ELP4: variants seen among roughly 807,000 people sequenced by gnomAD.
ELP4 encodes elongator complex protein 4.
Under a neutral mutation model 48.9 loss-of-function variants are expected in ELP4, and 51 were observed. The observed-to-expected ratio is 1.04, with a 90% CI of 0.83 to 1.32. The LOEUF (loss-of-function observed/expected upper bound fraction) is 1.32. Ranked by LOEUF, ELP4 falls within the 40% of genes most tolerant of loss-of-function variation. The probability of loss-of-function intolerance (pLI) is 0.00; values close to 1 mark genes in which losing one functional copy is unlikely to be tolerated. For synonymous variants in ELP4, 210 were observed against 189.2 expected (o/e 1.11, Z -0.90); for missense variants, 519 against 514.6 (o/e 1.01, Z -0.08).
intron 9 of ELP4, among the ~76,000 whole-genome samples, chr11:31,728,544 G>A (rs1235926747): frequency 6.6e-6 from 1 of 152,056 alleles, no homozygotes; most frequent in Non-Finnish European, 1.5e-5. Flanking sequence ...GAGTTCTTAG[G>A]CTTTCCTGCC....
At chr11:31,699,681 G>A (rs1409257679) in intron 9 of ELP4, among the ~76,000 whole-genome samples, 1 of 152,120 alleles carries the variant, frequency 6.6e-6, no homozygotes, top group Non-Finnish European at 1.5e-5. Context: ...TGCACTACTA[G>A]TTAGTTACTA....
intron 9 of ELP4, among the ~76,000 whole-genome samples, chr11:31,764,315 A>T (rs1284306509): frequency 6.6e-6 from 1 of 152,194 alleles, no homozygotes; most frequent in Admixed American, 6.5e-5. Flanking sequence ...GTCTCTGCCG[A>T]CCAGTATAAT....
At chr11:31,600,478 C>A (rs1565074169) in intron 4 of ELP4, 1 of 152,094 alleles carries the variant, frequency 6.6e-6, no homozygotes, top group Non-Finnish European at 1.5e-5. Context: ...TGCAGCAGCC[C>A]TGTGGTAGAT....
intron 5 of ELP4, among the ~76,000 whole-genome samples, chr11:31,609,820 G>T (rs11031430): frequency 6.6e-6 from 1 of 152,052 alleles, no homozygotes; most frequent in African/African-American, 2.4e-5. Context: ...TCAATCACTT[G>T]AGCCCAGGAT....
chr11:31,727,488 A>G (rs915888409), intron 9 of ELP4, among the ~76,000 whole-genome samples: 1 of 152,136 alleles, frequency 6.6e-6, no homozygotes, highest in Non-Finnish European at 1.5e-5. Flanking sequence ...CTTTGTTTGT[A>G]AATTATTTCA....
rs1256022705 is a variant in ELP4 at position 31,789,966 on chromosome 11, C to G, written c.*6442C>G. ...AATCTTGGCCAGTATTGAGACATAT[C>G]AGGTTCACTTCCGGGAACTTGAACT... On this transcript the variant is annotated 3_prime_UTR_variant, in exon 10 of 10. Coordinates refer to ENST00000640961, the MANE Select transcript of ELP4 (RefSeq NM_019040.5). The G allele has an allele frequency of 1.3e-6, 2 of 1,486,374 alleles. No individual in the cohort carries two copies. Among genetic ancestry groups the G allele is most frequent in the Non-Finnish European group, 1.8e-6 (2 of 1,090,076 alleles). The allele number at this position is 1,486,374 out of a possible 1,614,324, so 92.1% of individuals were successfully genotyped here. A position where few individuals can be genotyped will look rare whatever the true frequency, so the allele number is the denominator to read the frequency against.
intron 7 of ELP4, among the ~76,000 whole-genome samples, chr11:31,639,672 A>G (rs188764488): frequency 1.3e-5 from 2 of 152,082 alleles, no homozygotes; most frequent in Non-Finnish European, 2.9e-5. Flanking sequence ...AAATATGCAT[A>G]TTGAATAAGA....
intron 3 of ELP4, among the ~76,000 whole-genome samples, chr11:31,560,234 T>C (rs1956995604): frequency 6.6e-6 from 1 of 152,150 alleles, no homozygotes; most frequent in Non-Finnish European, 1.5e-5. Flanking sequence ...TTTGAAGCTT[T>C]AGACTACTTC....
chr11:31,590,908 A>T (rs1282529426), intron 3 of ELP4, among the ~76,000 whole-genome samples: 1 of 152,162 alleles, frequency 6.6e-6, no homozygotes, highest in Non-Finnish European at 1.5e-5. Context: ...AACAATGGGG[A>T]TTACACTTCA....
intron 9 of ELP4, among the ~76,000 whole-genome samples, chr11:31,681,301 C>T (rs139736836): frequency 6.6e-6 from 1 of 152,292 alleles, no homozygotes; most frequent in African/African-American, 2.4e-5. Flanking sequence ...GCAGCAAAAA[C>T]AGGGTTTGAT....
At chr11:31,645,354 A>T (rs1464795610) in intron 7 of ELP4, among the ~76,000 whole-genome samples, 1 of 151,760 alleles carries the variant, frequency 6.6e-6, no homozygotes, top group East Asian at 1.9e-4. Context: ...GTTGATAAAC[A>T]TTATAGGATG....
chr11:31,606,195 C>T (rs1402951458), intron 5 of ELP4, among the ~76,000 whole-genome samples: 1 of 152,016 alleles, frequency 6.6e-6, no homozygotes, highest in Non-Finnish European at 1.5e-5. Flanking sequence ...AACTTAAATG[C>T]TTAATTAAAT....
At chr11:31,630,363 C>T (rs1944836736) in intron 6 of ELP4, among the ~76,000 whole-genome samples, 1 of 149,096 alleles carries the variant, frequency 6.7e-6, no homozygotes, top group Admixed American at 6.8e-5. Flanking sequence ...GAGTCTCACT[C>T]TGTCACCCAG....
chr11:31,777,860 G>C (rs1948281471), intron 9 of ELP4, among the ~76,000 whole-genome samples: 1 of 152,188 alleles, frequency 6.6e-6, no homozygotes, highest in South Asian at 2.1e-4. Flanking sequence ...TTTTGGAAGA[G>C]GGTAGGAGTG....
At position 31,533,368 on chromosome 11, in the gene ELP4, C is replaced by CTTTTTTTTTTTTTTTTTTTTTTT. The variant is rs71060492; in HGVS notation, c.260-6289_260-6267dup. On this transcript the variant is annotated intron_variant, in intron 2 of 9. Transcript: ENST00000640961. The stretch of plus-strand genomic sequence containing the variant: ...GTGTTGCTGCAAAAGCCATCTCATT[C>CTTTTTTTTTTTTTTTTTTTTTTT]TTTTTTTTTTTTTTTTTTTTTTTTT... Among the ~76,000 whole-genome samples the CTTTTTTTTTTTTTTTTTTTTTTT allele has an allele frequency of 1.4e-3, 69 of 50,478 alleles. 15 individuals are homozygous for CTTTTTTTTTTTTTTTTTTTTTTT. Among genetic ancestry groups the CTTTTTTTTTTTTTTTTTTTTTTT allele is most frequent in the African/African-American group, 1.5e-3 (18 of 11,900 alleles). The allele number at this position is 50,478 out of a possible 152,430, so 33.1% of individuals were successfully genotyped here.
At position 31,785,792 on chromosome 11, in the gene ELP4, T is replaced by C. The variant is rs1019763954; in HGVS notation, c.*2268T>C. 1.2e-4 allele frequency: 24 copies of C among 194,416 alleles called. No individual in the cohort carries two copies. Among genetic ancestry groups the C allele is most frequent in the Admixed American group, 7.3e-4 (12 of 16,412 alleles). The allele number at this position is 194,416 out of a possible 1,614,324, so 12.0% of individuals were successfully genotyped here. On this transcript the variant is annotated 3_prime_UTR_variant, in exon 10 of 10. Transcript: ENST00000640961. ...ACTACATAAACATATCTCTCTTCAA[T>C]AATGCTACCTTAGGTATAGACACCA...
In ELP4 at chr11:31,728,757, AG is replaced by A. The variant is rs1947127355; in HGVS notation, c.1144-54634del. ...CAAACAAGATATTTGTTATATAAAT[AG>A]GATAGCTAATGCATTTCAGGAAATT... On this transcript the variant is annotated intron_variant, in intron 9 of 9. Transcript: ENST00000640961. 2.6e-5 allele frequency among the ~76,000 whole-genome samples: 4 copies of A among 152,242 alleles called. No individual in the cohort carries two copies. In the South Asian group the frequency reaches 8.3e-4, roughly 31 times the overall value.
chr11:31,789,962 A>G lies in ELP4; in HGVS notation c.*6438A>G, dbSNP rs748146547. 6 of 1,590,784 alleles carry G rather than the reference A, an allele frequency of 3.8e-6. No homozygotes were observed. Among genetic ancestry groups the G allele is most frequent in the Non-Finnish European group, 5.1e-6 (6 of 1,173,332 alleles). On this transcript the variant is annotated 3_prime_UTR_variant, in exon 10 of 10. Coordinates refer to ENST00000640961, the MANE Select transcript of ELP4 (RefSeq NM_019040.5). ...CTGTAATCTTGGCCAGTATTGAGAC[A>G]TATCAGGTTCACTTCCGGGAACTTG...
chr11:31,639,428 T>C lies in ELP4; in HGVS notation c.927+7023T>C, dbSNP rs759315991. 6.6e-5 allele frequency among the ~76,000 whole-genome samples: 10 copies of C among 152,044 alleles called. No homozygotes were observed. In the South Asian group the frequency reaches 1.4e-3, roughly 22 times the overall value. On this transcript the variant is annotated intron_variant, in intron 7 of 9. Coordinates refer to ENST00000640961, the MANE Select transcript of ELP4 (RefSeq NM_019040.5). ...AGTCTGTGTTTCAGTCCTTCTACCA[T>C]AGACTTTGGACTTATAATTCTTACA...
Sources: gnomAD v4.1 joint callset for allele counts (sites outside exome capture counted in the v4.1 genomes callset) on GRCh38, gnomAD v4.1.1 for gene constraint, MANE v1.5 for transcripts, NCBI Gene and HGNC (gene_info 2026-07-23, HGNC 2026-07-21) for gene names.